The following IQGAP2 variants were observed in gnomAD, a reference collection of about 807,000 sequenced individuals.
The protein encoded by IQGAP2 is IQ motif containing GTPase activating protein 2.
A neutral mutation model predicts 201.3 loss-of-function variants in IQGAP2; 173 were observed. That is an observed-to-expected ratio of 0.86 (90% confidence interval 0.76 to 0.98). The LOEUF (loss-of-function observed/expected upper bound fraction) is 0.98, where lower values mean the gene tolerates loss of function less well. IQGAP2 is among the 50% of genes least tolerant of loss of function. The pLI is 0.00. For synonymous variants in IQGAP2, 675 were observed against 673.9 expected (o/e 1.00, Z -0.03); for missense variants, 1,687 against 1,864.8 (o/e 0.90, Z 1.76).
At chr5:76,431,295 CATTAA>C (rs1286206806) in intron 1 of IQGAP2, among the ~76,000 whole-genome samples, 1 of 151,720 alleles carries the variant, frequency 6.6e-6, no homozygotes, top group African/African-American at 2.4e-5. Context: ...TTTTAAAATA[CATTAA>C]ATTTAATTTA....
intron 14 of IQGAP2, among the ~76,000 whole-genome samples, chr5:76,627,804 C>G (rs1750380392): frequency 6.6e-6 from 1 of 152,128 alleles, no homozygotes; most frequent in African/African-American, 2.4e-5. Context: ...ACCATTTCTA[C>G]TTAATAAATG....
chr5:76,469,030 G>C (rs558755028), intron 2 of IQGAP2, among the ~76,000 whole-genome samples: 1 of 152,272 alleles, frequency 6.6e-6, no homozygotes, highest in East Asian at 1.9e-4. Context: ...TCTGTTTTCT[G>C]TACATTTTGG....
At chr5:76,508,823 G>T (rs377382886) in intron 2 of IQGAP2, among the ~76,000 whole-genome samples, 3 of 151,982 alleles carry the variant, frequency 2.0e-5, no homozygotes, top group South Asian at 2.1e-4. Context: ...AGCATGCTCA[G>T]TTCCACAAAA....
At chr5:76,496,758 TTTCTTTCTTTCTTTC>T in intron 2 of IQGAP2, among the ~76,000 whole-genome samples, 1 of 70,014 alleles carries the variant, frequency 1.4e-5, no homozygotes, top group South Asian at 4.3e-4. Flanking sequence ...TCTTTCTTTC[TTTCTTTCTTTCTTTC>T]TTTCTTTCTT....
chr5:76,659,364 G>T (rs1301027612), intron 21 of IQGAP2, among the ~76,000 whole-genome samples: 1 of 152,134 alleles, frequency 6.6e-6, no homozygotes, highest in African/African-American at 2.4e-5. Flanking sequence ...TGATGACACT[G>T]GAAGACATGA....
intron 19 of IQGAP2, 133 bp from the exon 20 acceptor site, chr5:76,654,801 C>T (rs1261493967): frequency 1.5e-5 from 9 of 605,422 alleles, no homozygotes; most frequent in Non-Finnish European, 2.0e-5. Flanking sequence ...ATGTTGAATA[C>T]ACCACATTGA....
At chr5:76,671,601 T>C (rs563707593) in intron 23 of IQGAP2, among the ~76,000 whole-genome samples, 158 bp from the exon 24 acceptor site, 24 of 148,466 alleles carry the variant, frequency 1.6e-4, no homozygotes, top group African/African-American at 6.0e-4. Flanking sequence ...GGCAGGAGAA[T>C]CGCTTGAACC....
chr5:76,443,802 GT>G (rs1753196378), intron 1 of IQGAP2, among the ~76,000 whole-genome samples: 1 of 152,172 alleles, frequency 6.6e-6, no homozygotes, highest in Non-Finnish European at 1.5e-5. Context: ...TATTGGTGAA[GT>G]TTTAGCACAT....
At chr5:76,631,088 G>T (rs1750667831) in intron 14 of IQGAP2, among the ~76,000 whole-genome samples, 1 of 152,124 alleles carries the variant, frequency 6.6e-6, no homozygotes, top group East Asian at 1.9e-4. Context: ...TTTCATGTAG[G>T]AAGTATTTTA....
At position 76,627,509 on chromosome 5, in the gene IQGAP2, T is replaced by C. The variant is rs1750351793; in HGVS notation, c.1612+9T>C. 2 of 1,429,384 alleles carry C rather than the reference T, an allele frequency of 1.4e-6. No homozygotes were observed. The highest frequency in any genetic ancestry group is 2.0e-6 in the Non-Finnish European group (2 of 1,014,846). 88.5% of individuals were successfully genotyped at this position (1,429,384 alleles called of 1,614,324 possible). A position where few individuals can be genotyped will look rare whatever the true frequency, so the allele number is the denominator to read the frequency against. On this transcript the variant is annotated intron_variant, in intron 14 of 35. Transcript: ENST00000274364. ...GGACAGAGCAAAACAATGTAAGCCC[T>C]CACCTCCTTTGCTCTTGAAACTTGC...
At chr5:76,663,938 T>A (rs982450143) in intron 21 of IQGAP2, among the ~76,000 whole-genome samples, 3 of 152,248 alleles carry the variant, frequency 2.0e-5, no homozygotes, top group Non-Finnish European at 4.4e-5. Context: ...AAAGGAATAT[T>A]GTGCTGGTTT....
intron 1 of IQGAP2, among the ~76,000 whole-genome samples, chr5:76,435,058 TTC>T (rs1491122820): frequency 2.0e-5 from 3 of 147,476 alleles, no homozygotes; most frequent in Non-Finnish European, 2.9e-5. Context: ...TCTTTTTTTT[TTC>T]TTTTTTTTTG....
At chr5:76,487,551 G>T (rs1393315967) in intron 2 of IQGAP2, among the ~76,000 whole-genome samples, 1 of 152,198 alleles carries the variant, frequency 6.6e-6, no homozygotes, top group Non-Finnish European at 1.5e-5. Flanking sequence ...TGTAGATGTT[G>T]CAAAGTGGAT....
At chr5:76,699,667 C>G (rs1303928793) in intron 33 of IQGAP2, among the ~76,000 whole-genome samples, 2 of 55,240 alleles carry the variant, frequency 3.6e-5, no homozygotes, top group Non-Finnish European at 7.3e-5. Flanking sequence ...CTCTCACTCT[C>G]GTGCTCTCTC....
At chr5:76,544,658 C>T (rs979229159) in intron 2 of IQGAP2, among the ~76,000 whole-genome samples, 1 of 152,092 alleles carries the variant, frequency 6.6e-6, no homozygotes, top group African/African-American at 2.4e-5. Context: ...GTTATGTGTA[C>T]AGAGTGAGTG....
At position 76,695,617 on chromosome 5, in the gene IQGAP2, A is replaced by G; in HGVS notation, c.4157A>G (p.His1386Arg). 6.2e-7 allele frequency: 1 copy of G among 1,614,184 alleles called. No homozygotes were observed. Among genetic ancestry groups the G allele is most frequent in the Non-Finnish European group, 8.5e-7 (1 of 1,180,026 alleles). Residue 1386 changes from histidine to arginine, a missense_variant, in exon 32 of 36, where the codon CAC becomes CGC. His to Arg is a conservative substitution (Grantham distance 29). Coordinates refer to ENST00000274364, the MANE Select transcript of IQGAP2 (RefSeq NM_006633.5). ...RNLRTLEQTG[H>R]VSSENKYQDI... is the part of the protein sequence containing the mutation. The stretch of plus-strand genomic sequence containing the variant: ...CTTCGGACGTTGGAACAGACTGGAC[A>G]CGTGTCATCCGAAAATAAATACCAA...
intron 1 of IQGAP2, among the ~76,000 whole-genome samples, chr5:76,414,718 C>T (rs1228511757): frequency 3.9e-5 from 6 of 152,160 alleles, no homozygotes; most frequent in South Asian, 2.1e-4. Context: ...ACCAGGGTCA[C>T]GTGAGGCCCT....
At chr5:76,646,858 C>T (rs1490406268) in intron 17 of IQGAP2, among the ~76,000 whole-genome samples, 5 of 151,940 alleles carry the variant, frequency 3.3e-5, no homozygotes, top group Admixed American at 2.6e-4. Flanking sequence ...GTATATTTTT[C>T]TGCTATTGTG....
At chr5:76,469,693 C>T (rs372760137) in intron 2 of IQGAP2, among the ~76,000 whole-genome samples, 8 of 152,142 alleles carry the variant, frequency 5.3e-5, no homozygotes, top group African/African-American at 1.2e-4. Context: ...CATGAGCCAC[C>T]GCTCCTGGCC....
Sources: gnomAD v4.1 joint callset for allele counts (sites outside exome capture counted in the v4.1 genomes callset) on GRCh38, gnomAD v4.1.1 for gene constraint, MANE v1.5 for transcripts, NCBI Gene and HGNC (gene_info 2026-07-23, HGNC 2026-07-21) for gene names.